The following STXBP4 variants were observed in gnomAD, a reference collection of about 807,000 sequenced individuals.
The protein encoded by STXBP4 is syntaxin-binding protein 4.
STXBP4 carries 55 observed loss-of-function variants against 76.1 expected under a neutral mutation model. The ratio of observed to expected loss-of-function variants is 0.72; its 90% confidence interval spans 0.58 to 0.91. The LOEUF is 0.91. STXBP4 is among the 40% of genes least tolerant of loss of function. STXBP4 has a pLI of 0.00. For synonymous variants in STXBP4, 201 were observed against 220.2 expected (o/e 0.91, Z 0.77); for missense variants, 618 against 636.9 (o/e 0.97, Z 0.32).
intron 16 of STXBP4, among the ~76,000 whole-genome samples, chr17:55,092,983 TTTTG>T: frequency 6.6e-6 from 1 of 150,926 alleles, no homozygotes; most frequent in East Asian, 1.9e-4. Flanking sequence ...GTTTTTTGTT[TTTTG>T]TTTGTTTTTT....
chr17:55,135,675 A>G (rs2080020978), intron 16 of STXBP4, among the ~76,000 whole-genome samples: 1 of 152,160 alleles, frequency 6.6e-6, no homozygotes, highest in African/African-American at 2.4e-5. Context: ...CCTACAAATT[A>G]ACTTGTACAA....
intron 10 of STXBP4, among the ~76,000 whole-genome samples, chr17:55,039,296 T>C (rs968908155): frequency 1.3e-5 from 2 of 151,926 alleles, no homozygotes; most frequent in African/African-American, 2.4e-5. Context: ...GATAAAAGTA[T>C]TAGCATAAAC....
At chr17:55,141,161 C>G (rs1205078357) in intron 16 of STXBP4, 149 bp from the exon 17 acceptor site, 2 of 645,464 alleles carry the variant, frequency 3.1e-6, no homozygotes, top group Non-Finnish European at 5.3e-6. Flanking sequence ...GAAAGCTCAT[C>G]TGAATTGTCT....
chr17:55,105,686 G>A (rs1414936193), intron 16 of STXBP4, among the ~76,000 whole-genome samples: 1 of 151,192 alleles, frequency 6.6e-6, no homozygotes, highest in African/African-American at 2.4e-5. Flanking sequence ...CACTGTGTTA[G>A]CCCGGATGAT....
intron 16 of STXBP4, among the ~76,000 whole-genome samples, chr17:55,110,240 G>A (rs765604200): frequency 6.6e-6 from 1 of 152,160 alleles, no homozygotes. Context: ...TTATGATTAT[G>A]TTGCACCAAC....
At chr17:54,976,735 A>T (rs1283076243) in intron 1 of STXBP4, among the ~76,000 whole-genome samples, 2 of 152,162 alleles carry the variant, frequency 1.3e-5, no homozygotes, top group Non-Finnish European at 1.5e-5. Flanking sequence ...TAGGCATATG[A>T]GTGGTCTAGG....
At chr17:55,070,313 C>T (rs1050288178) in intron 12 of STXBP4, among the ~76,000 whole-genome samples, 6 of 152,034 alleles carry the variant, frequency 3.9e-5, no homozygotes, top group Non-Finnish European at 8.8e-5. Flanking sequence ...AGTGCTGGCA[C>T]ATAGTTAGCC....
chr17:55,179,522 T>C, the STXBP4 span, among the ~76,000 whole-genome samples: 1 of 152,142 alleles, frequency 6.6e-6, no homozygotes, highest in African/African-American at 2.4e-5. Context: ...CTATATACAG[T>C]TGATCCTTGA....
At position 55,077,251 on chromosome 17, in the gene STXBP4, T is replaced by C. The variant is rs193184030; in HGVS notation, c.1189-827T>C. 3.3e-5 allele frequency among the ~76,000 whole-genome samples: 5 copies of C among 152,298 alleles called. No individual in the cohort carries two copies. In the East Asian group the frequency reaches 7.7e-4, roughly 24 times the overall value. On this transcript the variant is annotated intron_variant, in intron 13 of 17. Coordinates refer to ENST00000376352, the MANE Select transcript of STXBP4 (RefSeq NM_178509.6). Reference sequence around the variant, plus strand: ...CAATGCATTATAAGTGGGAATTCTTTGAGCTCTGAGTTTTAGAAATATCTC... The same window carrying C: ...CAATGCATTATAAGTGGGAATTCTTCGAGCTCTGAGTTTTAGAAATATCTC...
intron 1 of STXBP4, among the ~76,000 whole-genome samples, chr17:54,972,524 T>A (rs1051047145): frequency 1.3e-5 from 2 of 152,232 alleles, no homozygotes; most frequent in African/African-American, 4.8e-5. Flanking sequence ...TTAATTCTGA[T>A]TTCAAATTTT....
intron 16 of STXBP4, among the ~76,000 whole-genome samples, chr17:55,133,392 A>C (rs1212351670): frequency 1.3e-5 from 2 of 152,126 alleles, no homozygotes; most frequent in Non-Finnish European, 2.9e-5. Flanking sequence ...TAAAAGTGAT[A>C]CAATGATAGA....
intron 12 of STXBP4, among the ~76,000 whole-genome samples, chr17:55,071,820 A>T (rs1689234904): frequency 6.6e-6 from 1 of 152,208 alleles, no homozygotes; most frequent in African/African-American, 2.4e-5. Flanking sequence ...AGCTCTGAAA[A>T]AATTAAAATA....
intron 16 of STXBP4, among the ~76,000 whole-genome samples, chr17:55,129,691 C>T (rs1040677769): frequency 1.8e-4 from 27 of 152,250 alleles, no homozygotes; most frequent in African/African-American, 6.5e-4. Context: ...GTTACATTTT[C>T]CTTCCTAGAA....
intron 16 of STXBP4, among the ~76,000 whole-genome samples, chr17:55,119,824 T>C (rs1022883511): frequency 6.6e-6 from 1 of 152,092 alleles, no homozygotes; most frequent in Non-Finnish European, 1.5e-5. Flanking sequence ...TATTAGTTAA[T>C]TCCTTTCCTT....
chr17:54,974,353 A>G (rs1168086945), intron 1 of STXBP4, among the ~76,000 whole-genome samples: 2 of 152,238 alleles, frequency 1.3e-5, no homozygotes, highest in Non-Finnish European at 2.9e-5. Flanking sequence ...ATTAGTGCAC[A>G]ATAATGCCCT....
chr17:54,990,423 G>C (rs1199274558), intron 3 of STXBP4, among the ~76,000 whole-genome samples: 1 of 152,170 alleles, frequency 6.6e-6, no homozygotes, highest in East Asian at 1.9e-4. Flanking sequence ...GAGGGATCTA[G>C]CTTGCGTGCT....
Position 54,986,159 on chromosome 17 carries a change from G to T in STXBP4, c.-61G>T, listed in dbSNP as rs1227652603. ...AATCCTAGGAAAAGAAGAATTTCTA[G>T]ACTCTTCATCAAGATCTTCATTTAT... On this transcript the variant is annotated 5_prime_UTR_variant, in exon 3 of 18. Coordinates refer to ENST00000376352, the MANE Select transcript of STXBP4 (RefSeq NM_178509.6). 1 of 1,381,048 alleles carries T rather than the reference G, an allele frequency of 7.2e-7. No individual in the cohort carries two copies. The highest frequency in any genetic ancestry group is 1.0e-6 in the Non-Finnish European group (1 of 986,290). 85.5% of individuals were successfully genotyped at this position (1,381,048 alleles called of 1,614,324 possible). A position where few individuals can be genotyped will look rare whatever the true frequency, so the allele number is the denominator to read the frequency against.
At chr17:55,185,325 T>TCC in the STXBP4 span, among the ~76,000 whole-genome samples, 37 of 138,650 alleles carry the variant, frequency 2.7e-4, no homozygotes, top group African/African-American at 5.6e-4. Context: ...CTCCTTCTCC[T>TCC]TCTCCTCCTC....
intron 16 of STXBP4, among the ~76,000 whole-genome samples, chr17:55,097,896 A>T (rs1304528563): frequency 6.6e-6 from 1 of 152,090 alleles, no homozygotes; most frequent in Non-Finnish European, 1.5e-5. Context: ...GAAGATGGAG[A>T]TATCACCAAT....
Sources: gnomAD v4.1 joint callset for allele counts (sites outside exome capture counted in the v4.1 genomes callset) on GRCh38, gnomAD v4.1.1 for gene constraint, MANE v1.5 for transcripts, NCBI Gene and HGNC (gene_info 2026-07-23, HGNC 2026-07-21) for gene names.